ANK2: variants seen among roughly 807,000 people sequenced by gnomAD.
The protein encoded by ANK2 is ankyrin-2.
A neutral mutation model predicts 360.5 loss-of-function variants in ANK2; 83 were observed. The observed-to-expected ratio is 0.23, with a 90% CI of 0.19 to 0.28. The LOEUF (loss-of-function observed/expected upper bound fraction) is 0.28. ANK2 is among the 10% of genes least tolerant of loss of function. ANK2 has a pLI of 1.00. For synonymous variants in ANK2, 1,740 were observed against 1,759.5 expected, an observed-to-expected ratio of 0.99 and a Z score of 0.28; for missense variants, 4,201 against 4,795.7, an observed-to-expected ratio of 0.88 and a Z score of 3.66.
intron 45 of ANK2, among the ~76,000 whole-genome samples, chr4:113,374,465 G>C (rs1361899042): frequency 2.0e-5 from 3 of 152,150 alleles, no homozygotes; most frequent in Non-Finnish European, 4.4e-5. Flanking sequence ...AGAAAAGAGA[G>C]TTTCTTCACA....
At chr4:112,936,388 C>T (rs775051014) in intron 2 of ANK2, among the ~76,000 whole-genome samples, 49 of 152,100 alleles carry the variant, frequency 3.2e-4, no homozygotes, top group Middle Eastern at 6.8e-3. Context: ...CTCTGTCACC[C>T]AGGCTGGAGT....
chr4:113,077,446 A>T (rs553947577), intron 1 of ANK2, among the ~76,000 whole-genome samples: 3 of 152,280 alleles, frequency 2.0e-5, no homozygotes, highest in Non-Finnish European at 2.9e-5. Flanking sequence ...GTAAAAAAAA[A>T]TTTTAAGAAG....
At position 113,198,634 on chromosome 4, in the gene ANK2, A is replaced by T. The variant is rs186598249; in HGVS notation, c.286-377A>T. Among the ~76,000 whole-genome samples the T allele has an allele frequency of 7.2e-5, 11 of 152,310 alleles. No individual in the cohort carries two copies. In the East Asian group the frequency reaches 2.1e-3, roughly 29 times the overall value. ...TTTCTTTGCAAGGTGAAAGAAACTC[A>T]ATGTTTCAGTAAACCTTTTTTTAGT... On this transcript the variant is annotated intron_variant, in intron 3 of 45. Transcript: ENST00000357077.
chr4:112,786,156 C>T, the ANK2 span, among the ~76,000 whole-genome samples: 7 of 151,330 alleles, frequency 4.6e-5, no homozygotes, highest in African/African-American at 1.5e-4. Flanking sequence ...TTGAGATATC[C>T]TATAAACTTT....
chr4:112,930,301 C>T (rs1434728519), intron 2 of ANK2, among the ~76,000 whole-genome samples: 1 of 151,574 alleles, frequency 6.6e-6, no homozygotes, highest in African/African-American at 2.4e-5. Context: ...AAAAATTAGC[C>T]AGGTTTGGTG....
intron 1 of ANK2, among the ~76,000 whole-genome samples, chr4:112,896,231 G>A (rs571138855): frequency 6.6e-6 from 1 of 152,314 alleles, no homozygotes; most frequent in East Asian, 1.9e-4. Context: ...GCCATAGGAG[G>A]AAGGAGCTAC....
chr4:113,164,391 T>G (rs1459677549), intron 1 of ANK2, among the ~76,000 whole-genome samples: 2 of 152,246 alleles, frequency 1.3e-5, no homozygotes, highest in Non-Finnish European at 2.9e-5. Context: ...TAAAATAGTC[T>G]CCGTAGTTTA....
At chr4:113,237,511 T>C (rs1178108558) in intron 6 of ANK2, 88 bp from the exon 7 acceptor site, 1 of 1,302,850 alleles carries the variant, frequency 7.7e-7, no homozygotes, top group Non-Finnish European at 1.1e-6. Context: ...TGGAACAGTA[T>C]ACCCAATTGC....
At chr4:112,826,364 C>A in intron 1 of ANK2, 1 of 975,384 alleles carries the variant, frequency 1.0e-6, no homozygotes, top group South Asian at 1.5e-5. Context: ...TGACAATGGT[C>A]TCACTGCAAC....
chr4:112,862,787 G>A (rs2068574841), intron 1 of ANK2, among the ~76,000 whole-genome samples: 1 of 152,060 alleles, frequency 6.6e-6, no homozygotes, highest in African/African-American at 2.4e-5. Context: ...TAAGCTGGGT[G>A]TGCATGCACC....
At chr4:113,242,081 C>T in intron 8 of ANK2, 30 bp from the exon 9 acceptor site, 1 of 1,576,740 alleles carries the variant, frequency 6.3e-7, no homozygotes, top group South Asian at 1.1e-5. Flanking sequence ...TCATACCCAA[C>T]AGCTCTTGTT....
chr4:113,068,794 C>A (rs959934266), intron 1 of ANK2, among the ~76,000 whole-genome samples: 12 of 152,158 alleles, frequency 7.9e-5, no homozygotes, highest in African/African-American at 2.9e-4. Context: ...GGCATGGTGG[C>A]TCATGCCTAT....
chr4:113,096,125 C>T (rs2154356410), intron 1 of ANK2, among the ~76,000 whole-genome samples: 1 of 152,264 alleles, frequency 6.6e-6, no homozygotes, highest in African/African-American at 2.4e-5. Flanking sequence ...ACCAGGAGTT[C>T]AGTGCCTGTG....
At chr4:113,142,652 G>A (rs567279608) in intron 1 of ANK2, among the ~76,000 whole-genome samples, 6 of 152,106 alleles carry the variant, frequency 3.9e-5, no homozygotes, top group African/African-American at 1.2e-4. Context: ...CTAATCATAG[G>A]AGTATGGATA....
At chr4:113,015,853 A>G (rs1417810767) in intron 2 of ANK2, among the ~76,000 whole-genome samples, 2 of 152,196 alleles carry the variant, frequency 1.3e-5, no homozygotes, top group Non-Finnish European at 2.9e-5. Flanking sequence ...TCAAGGTTTG[A>G]TGAATAACAA....
intron 1 of ANK2, among the ~76,000 whole-genome samples, chr4:113,174,200 A>G (rs2098105176): frequency 6.6e-6 from 1 of 152,216 alleles, no homozygotes; most frequent in South Asian, 2.1e-4. Context: ...TATACTCTAA[A>G]ATATTGACTT....
intron 45 of ANK2, chr4:113,374,625 C>T: frequency 5.2e-6 from 2 of 381,568 alleles, no homozygotes; most frequent in Non-Finnish European, 7.6e-6. Context: ...TTTTTTCTAA[C>T]TCTGCTTCCC....
intron 1 of ANK2, among the ~76,000 whole-genome samples, chr4:113,100,776 A>G (rs568008827): frequency 5.1e-4 from 78 of 152,302 alleles, no homozygotes; most frequent in African/African-American, 1.6e-3. Context: ...ACAGTTTACA[A>G]TGGAATATTA....
intron 1 of ANK2, chr4:112,881,697 C>T (rs1409047015): frequency 1.2e-5 from 6 of 503,484 alleles, no homozygotes; most frequent in Non-Finnish European, 2.2e-5. Flanking sequence ...ACACAGTTCT[C>T]GAGTTTTTTG....
Sources: gnomAD v4.1 joint callset for allele counts (sites outside exome capture counted in the v4.1 genomes callset) on GRCh38, gnomAD v4.1.1 for gene constraint, MANE v1.5 for transcripts, NCBI Gene and HGNC (gene_info 2026-07-23, HGNC 2026-07-21) for gene names.